The following SHCBP1 variants were observed in gnomAD, a reference collection of about 807,000 sequenced individuals.
SHCBP1 encodes the protein SHC SH2 domain-binding protein 1.
A neutral mutation model predicts 75.1 loss-of-function variants in SHCBP1; 60 were observed. That is an observed-to-expected ratio of 0.80 (90% CI 0.65 to 0.99). The LOEUF (loss-of-function observed/expected upper bound fraction) is 0.99. Among genes scored for constraint, SHCBP1 ranks in the 50% least tolerant of loss-of-function variants. The probability of loss-of-function intolerance (pLI) is 0.00; values close to 1 mark genes in which losing one functional copy is unlikely to be tolerated. For synonymous variants in SHCBP1, 290 were observed against 293.2 expected, an observed-to-expected ratio of 0.99 and a Z score of 0.11; for missense variants, 709 against 809.4, an observed-to-expected ratio of 0.88 and a Z score of 1.50.
intron 10 of SHCBP1, among the ~76,000 whole-genome samples, chr16:46,592,258 T>A (rs569484988): frequency 1.3e-5 from 2 of 152,030 alleles, no homozygotes; most frequent in Non-Finnish European, 2.9e-5. Flanking sequence ...ACATCAAGCA[T>A]GAAACAGGGA....
intron 1 of SHCBP1, among the ~76,000 whole-genome samples, chr16:46,620,185 A>G (rs1298470002): frequency 1.3e-5 from 2 of 152,226 alleles, no homozygotes; most frequent in African/African-American, 2.4e-5. Context: ...GTGAACACTT[A>G]TGATCTACTC....
chr16:46,601,578 A>C (rs140576690), intron 8 of SHCBP1, among the ~76,000 whole-genome samples: 54 of 152,302 alleles, frequency 3.5e-4, no homozygotes, highest in Middle Eastern at 3.4e-3. Context: ...AGGACAAACA[A>C]GGCTTTGGGG....
chr16:46,616,103 G>T lies in SHCBP1; in HGVS notation c.439C>A (p.Pro147Thr), dbSNP rs756862260. The T allele has an allele frequency of 1.9e-6, 3 of 1,614,150 alleles. No individual in the cohort carries two copies. The East Asian group carries it at 6.7e-5, about 36-fold the overall frequency. Residue 147 changes from proline (P) to threonine (T), a missense_variant, in exon 4 of 13, where the codon CCA becomes ACA. By Grantham distance (38) the Pro-to-Thr change is conservative. Transcript: ENST00000303383. This position sits in a 1 kb window ranked among gnomAD's most constrained non-coding sequence, Gnocchi z 4.4. ...CTCACTTGAGAGTCACAGAGGTATG[G>T]TTCAGCAAGCCTCACCACTGCCTTC... ...ALKAVVRLAE[P>T]YLCDSQVSTF...
At chr16:46,610,225 T>C (rs1337068770) in intron 4 of SHCBP1, among the ~76,000 whole-genome samples, 14 of 152,148 alleles carry the variant, frequency 9.2e-5, no homozygotes, top group Admixed American at 9.2e-4. Flanking sequence ...ACTGGATTAT[T>C]TTGAACCAAT....
chr16:46,580,369 A>T lies in SHCBP1; in HGVS notation c.*1360T>A, dbSNP rs1393283590. 6.6e-6 allele frequency among the ~76,000 whole-genome samples: 1 copy of T among 152,200 alleles called. No individual in the cohort carries two copies. Among genetic ancestry groups the T allele is most frequent in the African/African-American group, 2.4e-5 (1 of 41,444 alleles). On this transcript the variant is annotated 3_prime_UTR_variant, in exon 13 of 13. Transcript: ENST00000303383. ...AAATCCTACATTTAGTAGCATCCAA[A>T]AAATAAGAATTATTTTTTACTCAAA...
Position 46,617,647 on chromosome 16 carries a change from T to G in SHCBP1, c.374A>C (p.Lys125Thr). The change falls in exon 3 of 13, where the codon AAG becomes ACG. Residue 125 changes from lysine (K) to threonine (T), a missense_variant. Transcript: ENST00000303383. Reference protein sequence around the residue: ...WRAVWHTNVFKVLVEITDVDF... With the variant: ...WRAVWHTNVFTVLVEITDVDF... ...AATTAACCTTACCTCAACCAGCACC[T>G]TGAACACATTAGTGTGCCAGACTGC... The G allele has an allele frequency of 6.2e-7, 1 of 1,613,926 alleles. No individual in the cohort carries two copies. The highest frequency in any genetic ancestry group is 8.5e-7 in the Non-Finnish European group (1 of 1,179,950).
chr16:46,603,394 T>G, intron 8 of SHCBP1, 145 bp downstream of exon 8: 1 of 1,184,400 alleles, frequency 8.4e-7, no homozygotes, highest in Non-Finnish European at 1.2e-6. Flanking sequence ...CTTTTCAGCT[T>G]TCCATGTCCT....
Position 46,604,029 on chromosome 16 carries a change from G to A in SHCBP1, c.1038C>T (p.Ser346=). The change falls in exon 7 of 13, where the codon TCC becomes TCT. Residue 346 remains serine (S), a synonymous_variant. Coordinates refer to ENST00000303383, the MANE Select transcript of SHCBP1 (RefSeq NM_024745.5). ...SSTMMAGLLR[S]LLTDRLCQEP... is the part of the protein sequence containing the mutation. ...CCTGGCAAAGCCTGTCCGTAAGCAG[G>A]GACCGCAGGAGACCAGCCATCATGG... is the stretch of plus-strand genomic sequence containing the variant. The A allele has an allele frequency of 6.2e-7, 1 of 1,614,100 alleles. No individual in the cohort carries two copies. Among genetic ancestry groups the A allele is most frequent in the Non-Finnish European group, 8.5e-7 (1 of 1,180,020 alleles).
At chr16:46,608,105 G>T (rs1314248695) in intron 5 of SHCBP1, among the ~76,000 whole-genome samples, 192 bp downstream of exon 5, 1 of 152,118 alleles carries the variant, frequency 6.6e-6, no homozygotes, top group East Asian at 1.9e-4. Context: ...TTCATTTAAT[G>T]ACTTGTCAAG....
chr16:46,590,175 G>A (rs1216485871), intron 10 of SHCBP1, among the ~76,000 whole-genome samples: 1 of 152,162 alleles, frequency 6.6e-6, no homozygotes, highest in African/African-American at 2.4e-5. Flanking sequence ...ATTCAAGATG[G>A]ATTAAAGACT....
rs568616445 is a variant in SHCBP1 at position 46,589,685 on chromosome 16, G to A, written c.1465-5596C>T. Among the ~76,000 whole-genome samples, 243 of 151,706 alleles carry A rather than the reference G, an allele frequency of 1.6e-3. 2 individuals carry two copies. Among genetic ancestry groups the A allele is most frequent in the Non-Finnish European group, 7.7e-4 (52 of 67,694 alleles). Reference sequence around the variant, plus strand: ...CAATGAAATAAAAGAGGACACAAATGGAAGAACATTCCATGCTCATGGATA... The same window carrying A: ...CAATGAAATAAAAGAGGACACAAATAGAAGAACATTCCATGCTCATGGATA... On this transcript the variant is annotated intron_variant, in intron 10 of 12. Coordinates refer to ENST00000303383, the MANE Select transcript of SHCBP1 (RefSeq NM_024745.5).
intron 10 of SHCBP1, among the ~76,000 whole-genome samples, chr16:46,585,278 G>A (rs1964939402): frequency 6.6e-6 from 1 of 152,138 alleles, no homozygotes; most frequent in Admixed American, 6.6e-5. Context: ...TGAGGAGCCT[G>A]CCACTTCTGG....
At chr16:46,605,940 G>A (rs1220934089) in intron 5 of SHCBP1, among the ~76,000 whole-genome samples, 10 of 137,882 alleles carry the variant, frequency 7.3e-5, no homozygotes, top group African/African-American at 2.7e-4. Flanking sequence ...TGGTTAATCC[G>A]AAAGAAACTG....
chr16:46,611,871 T>A (rs1008311833), intron 4 of SHCBP1, among the ~76,000 whole-genome samples: 4 of 152,210 alleles, frequency 2.6e-5, no homozygotes, highest in African/African-American at 9.6e-5. Flanking sequence ...GCAGCAGTCA[T>A]CGATGTTCAC....
chr16:46,608,989 G>A (rs766269780), intron 4 of SHCBP1, among the ~76,000 whole-genome samples: 7 of 152,148 alleles, frequency 4.6e-5, no homozygotes, highest in Non-Finnish European at 8.8e-5. Context: ...AACACTGAGA[G>A]AGAAACAGGT....
chr16:46,582,108 A>C (rs1286101077), intron 12 of SHCBP1, 54 bp from the exon 13 acceptor site: 2 of 1,515,900 alleles, frequency 1.3e-6, no homozygotes, highest in African/African-American at 2.8e-5. Flanking sequence ...AACCCAACAA[A>C]AACATATATT....
At chr16:46,592,952 A>AAAAAC (rs1965072575) in intron 10 of SHCBP1, among the ~76,000 whole-genome samples, 1 of 17,738 alleles carries the variant, frequency 5.6e-5, no homozygotes, top group Admixed American at 5.8e-4. Context: ...AAAAATTCTC[A>AAAAAC]AAAAAAAAAA....
At chr16:46,598,002 C>A (rs970727947) in intron 9 of SHCBP1, among the ~76,000 whole-genome samples, 2 of 152,204 alleles carry the variant, frequency 1.3e-5, no homozygotes, top group African/African-American at 4.8e-5. Context: ...TGTAGCAATT[C>A]AGTCACGTCT....
chr16:46,582,747 A>T (rs950235463), intron 12 of SHCBP1, among the ~76,000 whole-genome samples: 2 of 152,226 alleles, frequency 1.3e-5, no homozygotes, highest in African/African-American at 4.8e-5. Flanking sequence ...TGCCCAGCTG[A>T]CACCTTTATT....
Sources: gnomAD v4.1 joint callset for allele counts (sites outside exome capture counted in the v4.1 genomes callset) on GRCh38, gnomAD v4.1.1 for gene constraint, Gnocchi (gnomAD v3.1) non-coding constraint, MANE v1.5 for transcripts, NCBI Gene and HGNC (gene_info 2026-07-23, HGNC 2026-07-21) for gene names.